Variants in PRPSAP1 observed in about 807,000 individuals in gnomAD.
PRPSAP1 encodes the protein phosphoribosyl pyrophosphate synthetase associated protein 1, also known as phosphoribosyl pyrophosphate synthase-associated protein 1.
A neutral mutation model predicts 39.4 loss-of-function variants in PRPSAP1; 31 were observed. The observed-to-expected ratio is 0.79, with a 90% CI of 0.59 to 1.06. The LOEUF (loss-of-function observed/expected upper bound fraction) is 1.06, where lower values mean the gene tolerates loss of function less well. Ranked by LOEUF, PRPSAP1 falls within the 50% of genes least tolerant of loss-of-function variation. The pLI is 0.00. For missense variants in PRPSAP1, 430 were observed against 511.6 expected, an observed-to-expected ratio of 0.84 and a Z score of 1.54; for synonymous variants, 212 against 192.6, an observed-to-expected ratio of 1.10 and a Z score of -0.83.
Position 76,353,901 on chromosome 17 carries a change from C to A in PRPSAP1, c.-198G>T. ...GCCTTCGCAGCGCCCGGCGCCGCCGCCTCAGAGCCAGAGGCAAGGCCACCG... is the reference window on the plus strand; with the variant it reads ...GCCTTCGCAGCGCCCGGCGCCGCCGACTCAGAGCCAGAGGCAAGGCCACCG... On this transcript the variant is annotated 5_prime_UTR_variant, in exon 1 of 10. Transcript: ENST00000446526. 1 of 1,331,058 alleles carries A rather than the reference C, an allele frequency of 7.5e-7. No homozygotes were observed. Among genetic ancestry groups the A allele is most frequent in the Middle Eastern group, 2.8e-4 (1 of 3,552 alleles). The allele number at this position is 1,331,058 out of a possible 1,614,324, so 82.5% of individuals were successfully genotyped here.
intron 7 of PRPSAP1, among the ~76,000 whole-genome samples, chr17:76,325,897 C>T (rs766823016): frequency 1.2e-4 from 18 of 152,030 alleles, no homozygotes; most frequent in Non-Finnish European, 2.4e-4. Flanking sequence ...TGAGCCATTG[C>T]GCCTGGCCAA....
intron 3 of PRPSAP1, among the ~76,000 whole-genome samples, chr17:76,334,002 C>G (rs1488284349): frequency 6.6e-6 from 1 of 152,200 alleles, no homozygotes; most frequent in East Asian, 1.9e-4. Flanking sequence ...GATGCTCCCG[C>G]CTCAGCCTAT....
At chr17:76,324,461 G>A (rs573844178) in intron 7 of PRPSAP1, among the ~76,000 whole-genome samples, 1 of 152,062 alleles carries the variant, frequency 6.6e-6, no homozygotes, top group South Asian at 2.1e-4. Flanking sequence ...TTAGCCAGGT[G>A]TGGTGATGCA....
At chr17:76,337,533 T>C (rs897863257) in intron 3 of PRPSAP1, 1 of 152,296 alleles carries the variant, frequency 6.6e-6, no homozygotes, top group Non-Finnish European at 1.5e-5. Context: ...ACACCACAGC[T>C]GGAAGTAATG....
At position 76,353,516 on chromosome 17, in the gene PRPSAP1, C is replaced by G. The variant is rs765811737; in HGVS notation, c.170+18G>C. On this transcript the variant is annotated intron_variant, in intron 1 of 9. Transcript: ENST00000446526. The stretch of plus-strand genomic sequence containing the variant: ...AGGCGCCGCCGCCCCCGGCCCGGCC[C>G]TCCCACCGCCCCCTTACTCTGTGAT... 1.3e-5 allele frequency: 19 copies of G among 1,486,244 alleles called. No homozygotes were observed. Among genetic ancestry groups the G allele is most frequent in the Non-Finnish European group, 1.6e-5 (18 of 1,122,466 alleles). 92.1% of individuals were successfully genotyped at this position (1,486,244 alleles called of 1,614,324 possible).
At chr17:76,338,314 A>G (rs886688021) in intron 3 of PRPSAP1, among the ~76,000 whole-genome samples, 3 of 152,230 alleles carry the variant, frequency 2.0e-5, no homozygotes, top group Non-Finnish European at 1.5e-5. Flanking sequence ...CTGTTTGCCT[A>G]AAATTAGCCT....
chr17:76,322,525 A>T (rs1255244668), intron 7 of PRPSAP1, among the ~76,000 whole-genome samples: 1 of 152,182 alleles, frequency 6.6e-6, no homozygotes, highest in East Asian at 1.9e-4. Context: ...AGTAATTTCA[A>T]CTTCCAAGTC....
intron 3 of PRPSAP1, among the ~76,000 whole-genome samples, chr17:76,341,086 A>C (rs1272636726): frequency 6.6e-6 from 1 of 152,042 alleles, no homozygotes; most frequent in African/African-American, 2.4e-5. Context: ...CAAAACAAAG[A>C]TGCCAAGAGC....
intron 2 of PRPSAP1, chr17:76,345,795 AT>A (rs1411377277): frequency 3.0e-6 from 1 of 333,718 alleles, no homozygotes; most frequent in East Asian, 8.8e-5. Flanking sequence ...CCGCCACTGC[AT>A]CCCGCTCCCA....
At chr17:76,336,820 A>G (rs2071384850) in intron 3 of PRPSAP1, among the ~76,000 whole-genome samples, 1 of 151,652 alleles carries the variant, frequency 6.6e-6, no homozygotes, top group Non-Finnish European at 1.5e-5. Flanking sequence ...CCTCCAGCCC[A>G]ACGCTAAAGA....
intron 1 of PRPSAP1, among the ~76,000 whole-genome samples, chr17:76,349,002 A>G (rs1055546992): frequency 6.6e-6 from 1 of 152,210 alleles, no homozygotes; most frequent in African/African-American, 2.4e-5. Context: ...CCTAATTAGA[A>G]TAAACCAAGT....
In PRPSAP1 at chr17:76,311,526, G is replaced by C. The variant is rs768586995; in HGVS notation, c.*16C>G. 23 of 1,611,642 alleles carry C rather than the reference G, an allele frequency of 1.4e-5. No individual in the cohort carries two copies. Among genetic ancestry groups the C allele is most frequent in the Non-Finnish European group, 1.8e-5 (21 of 1,178,762 alleles). On this transcript the variant is annotated 3_prime_UTR_variant, in exon 10 of 10. Transcript: ENST00000446526. ...TGTTTCCCTCAGGAGGTCCAGGGTC[G>C]AGACCCTCGTGAAAGCTAGTCATCC...
chr17:76,313,605 C>T (rs541117993), intron 8 of PRPSAP1: 82 of 522,134 alleles, frequency 1.6e-4, no homozygotes, highest in African/African-American at 1.4e-3. Context: ...AATTTTCTCA[C>T]GGGAGTACTG....
chr17:76,344,508 G>A (rs1053804972), intron 3 of PRPSAP1, among the ~76,000 whole-genome samples, 163 bp downstream of exon 3: 10 of 152,004 alleles, frequency 6.6e-5, no homozygotes, highest in Non-Finnish European at 1.3e-4. Context: ...CTCGTGATCC[G>A]CCCACCTCGG....
chr17:76,351,918 C>T (rs938955448), intron 1 of PRPSAP1, among the ~76,000 whole-genome samples: 6 of 152,070 alleles, frequency 3.9e-5, no homozygotes, highest in African/African-American at 1.2e-4. Context: ...ACTAGATACA[C>T]ACAGAAGCTT....
intron 3 of PRPSAP1, among the ~76,000 whole-genome samples, chr17:76,337,597 G>T (rs1464552405): frequency 1.3e-5 from 2 of 152,062 alleles, no homozygotes; most frequent in East Asian, 1.9e-4. Context: ...GCAGCAGCTG[G>T]GAATTTTTTG....
chr17:76,333,815 T>C (rs1236855549), intron 3 of PRPSAP1, among the ~76,000 whole-genome samples: 5 of 152,334 alleles, frequency 3.3e-5, no homozygotes, highest in African/African-American at 1.2e-4. Flanking sequence ...GATTGCTAGC[T>C]TTTGCCAAGG....
At chr17:76,316,272 C>T (rs780995607) in intron 7 of PRPSAP1, among the ~76,000 whole-genome samples, 2 of 150,786 alleles carry the variant, frequency 1.3e-5, no homozygotes, top group African/African-American at 2.4e-5. Context: ...ATGCGGAAAA[C>T]ATCACAGTAT....
intron 3 of PRPSAP1, among the ~76,000 whole-genome samples, chr17:76,340,833 T>TG (rs2071428718): frequency 7.3e-6 from 1 of 136,900 alleles, no homozygotes; most frequent in Admixed American, 7.8e-5. Context: ...GGGGTTGTGG[T>TG]GGGGTTTGCA....
Sources: allele counts gnomAD v4.1 joint callset (sites outside exome capture counted in the v4.1 genomes callset), GRCh38; gene constraint gnomAD v4.1.1; transcripts MANE v1.5; gene names NCBI Gene and HGNC (gene_info 2026-07-23, HGNC 2026-07-21).